FAT3: variants seen among roughly 807,000 people sequenced by gnomAD.
FAT3 encodes the protein protocadherin Fat 3.
Under a neutral mutation model 310.2 loss-of-function variants are expected in FAT3, and 95 were observed. That is an observed-to-expected ratio of 0.31 (90% CI 0.26 to 0.36). The LOEUF (loss-of-function observed/expected upper bound fraction) is 0.36. FAT3 is among the 10% of genes least tolerant of loss of function. The probability of loss-of-function intolerance (pLI) is 1.00; values close to 1 mark genes in which losing one functional copy is unlikely to be tolerated. For synonymous variants in FAT3, 2,314 were observed against 2,192.9 expected (o/e 1.06, Z -1.54); for missense variants, 5,408 against 5,715.6 (o/e 0.95, Z 1.74).
chr11:92,857,084 C>T, intron 19 of FAT3, 130 bp from the exon 20 acceptor site: 4 of 1,347,768 alleles, frequency 3.0e-6, no homozygotes, highest in South Asian at 1.2e-5. Flanking sequence ...ATCTTTGTGA[C>T]TCAGCTCAGA....
intron 3 of FAT3, among the ~76,000 whole-genome samples, chr11:92,653,240 G>C (rs1313181979): frequency 6.6e-6 from 1 of 152,122 alleles, no homozygotes; most frequent in African/African-American, 2.4e-5. Context: ...GTGCACACGT[G>C]TGCATGTCCT....
chr11:92,873,709 T>C (rs1949450463), intron 22 of FAT3, among the ~76,000 whole-genome samples: 1 of 152,256 alleles, frequency 6.6e-6, no homozygotes. Context: ...TAAGTTGGTC[T>C]GGATGCAGAT....
intron 19 of FAT3, among the ~76,000 whole-genome samples, chr11:92,846,140 A>G (rs1158586661): frequency 1.3e-5 from 2 of 152,270 alleles, no homozygotes; most frequent in East Asian, 3.9e-4. Flanking sequence ...TGATACACCA[A>G]AGCTCTGCTA....
intron 2 of FAT3, among the ~76,000 whole-genome samples, chr11:92,524,293 G>T (rs1953779727): frequency 1.3e-5 from 2 of 152,064 alleles, no homozygotes; most frequent in Admixed American, 1.3e-4. Context: ...CATGGGAAGT[G>T]CTTTGACCCC....
chr11:92,330,997 TGTGTGTGAGAGA>T (rs1469105779), intron 1 of FAT3, among the ~76,000 whole-genome samples: 203 of 124,276 alleles, frequency 1.6e-3, no homozygotes, highest in African/African-American at 8.2e-3. Context: ...TGTGTGTGTG[TGTGTGTGAGAGA>T]GAGAGAGAGA....
At chr11:92,530,738 TGTTA>T (rs1954038758) in intron 3 of FAT3, among the ~76,000 whole-genome samples, 1 of 152,038 alleles carries the variant, frequency 6.6e-6, no homozygotes, top group African/African-American at 2.4e-5. Flanking sequence ...TATAAAAAAG[TGTTA>T]GTTCATAAGA....
chr11:92,394,261 C>T (rs1182638576), intron 2 of FAT3, among the ~76,000 whole-genome samples: 3 of 152,196 alleles, frequency 2.0e-5, no homozygotes, highest in African/African-American at 7.2e-5. Context: ...TTGAGCCCAG[C>T]AGTTAGAGAC....
At chr11:92,288,698 C>T (rs1454166697) in intron 1 of FAT3, among the ~76,000 whole-genome samples, 5 of 152,024 alleles carry the variant, frequency 3.3e-5, no homozygotes, top group Non-Finnish European at 7.4e-5. Context: ...CTCCCCTACT[C>T]CTAAATTTAG....
chr11:92,442,111 A>ATATATATATATTTTTTTTTT (rs1453396603), intron 2 of FAT3, among the ~76,000 whole-genome samples: 3 of 45,216 alleles, frequency 6.6e-5, no homozygotes, highest in African/African-American at 5.5e-4. Context: ...ATATATATAT[A>ATATATATATATTTTTTTTTT]TTTTTTTTTT....
intron 2 of FAT3, among the ~76,000 whole-genome samples, chr11:92,502,288 T>G (rs889579301): frequency 1.3e-5 from 2 of 152,046 alleles, no homozygotes; most frequent in Non-Finnish European, 2.9e-5. Context: ...TAGGGTAGTT[T>G]GTTCCTATGA....
At chr11:92,513,488 A>G (rs1953375064) in intron 2 of FAT3, among the ~76,000 whole-genome samples, 1 of 152,208 alleles carries the variant, frequency 6.6e-6, no homozygotes, top group African/African-American at 2.4e-5. Context: ...CTCAGAAATA[A>G]ATCTAGTTTA....
intron 1 of FAT3, among the ~76,000 whole-genome samples, chr11:92,273,202 A>G (rs988746369): frequency 6.6e-6 from 1 of 152,000 alleles, no homozygotes; most frequent in Admixed American, 6.6e-5. Context: ...CCATTATCTC[A>G]TGTATTTTAT....
At chr11:92,357,922 A>G (rs1164094923) in intron 2 of FAT3, among the ~76,000 whole-genome samples, 1 of 151,752 alleles carries the variant, frequency 6.6e-6, no homozygotes, top group African/African-American at 2.4e-5. Context: ...TAATTCTAGC[A>G]CTTTGGGAGG....
In FAT3 at chr11:92,790,169, C is replaced by T; in HGVS notation, c.4562C>T (p.Ala1521Val). ...IDPSTGVLYT[A>V]ERLDHEAQDK... ...CCTAGCACTGGCGTGCTCTATACTG[C>T]CGAGAGGCTGGACCATGAGGCCCAG... The change falls in exon 8 of 28, where the codon GCC (alanine) becomes GTC (valine). Residue 1521 changes from alanine (A) to valine (V), a missense_variant. Ala to Val is a moderately conservative substitution (Grantham distance 64). Around this residue, in one of 5 missense-constraint regions of FAT3, gnomAD observed 4,588 missense variants for 4,809.8 expected, o/e 0.95. Transcript: ENST00000525166. The T allele has an allele frequency of 6.2e-7, 1 of 1,613,750 alleles. No homozygotes were observed. The highest frequency in any genetic ancestry group is 8.5e-7 in the Non-Finnish European group (1 of 1,179,692).
At chr11:92,448,781 G>A (rs1488356381) in intron 2 of FAT3, among the ~76,000 whole-genome samples, 1 of 152,136 alleles carries the variant, frequency 6.6e-6, no homozygotes, top group African/African-American at 2.4e-5. Context: ...CTGCTCTTTT[G>A]CATTCAGAAT....
intron 4 of FAT3, among the ~76,000 whole-genome samples, chr11:92,737,261 C>A (rs1945378016): frequency 2.0e-5 from 3 of 152,094 alleles, no homozygotes; most frequent in Admixed American, 2.0e-4. Flanking sequence ...GGAGGATATA[C>A]CAGCCCTTGA....
intron 3 of FAT3, among the ~76,000 whole-genome samples, chr11:92,603,888 AT>A (rs1451413515): frequency 6.6e-6 from 1 of 152,164 alleles, no homozygotes; most frequent in South Asian, 2.1e-4. Flanking sequence ...CTGGAGTCTT[AT>A]GTTCTGGATC....
chr11:92,767,581 C>G (rs1246639123), intron 6 of FAT3, among the ~76,000 whole-genome samples: 1 of 152,108 alleles, frequency 6.6e-6, no homozygotes, highest in Admixed American at 6.5e-5. Flanking sequence ...GCTGCCTGAC[C>G]CTAGTTATCC....
At chr11:92,580,827 C>G (rs1230483530) in intron 3 of FAT3, among the ~76,000 whole-genome samples, 1 of 152,090 alleles carries the variant, frequency 6.6e-6, no homozygotes, top group African/African-American at 2.4e-5. Flanking sequence ...GCCACCTCAT[C>G]TGAGCCTACA....
Sources: allele counts gnomAD v4.1 joint callset (sites outside exome capture counted in the v4.1 genomes callset), GRCh38; gene constraint gnomAD v4.1.1; regional missense constraint gnomAD v4.1.1; transcripts MANE v1.5; gene names NCBI Gene and HGNC (gene_info 2026-07-23, HGNC 2026-07-21).